Variants in APLP2 observed in about 807,000 individuals in gnomAD.
APLP2 encodes the protein amyloid beta precursor like protein 2.
APLP2 carries 53 observed loss-of-function variants against 89.9 expected under a neutral mutation model. The observed-to-expected ratio is 0.59, with a 90% CI of 0.47 to 0.74. APLP2 has a LOEUF of 0.74. Ranked by LOEUF, APLP2 falls within the 30% of genes least tolerant of loss-of-function variation. The pLI is 0.00. For synonymous variants in APLP2, 372 were observed against 348.6 expected, an observed-to-expected ratio of 1.07 and a Z score of -0.75; for missense variants, 973 against 975.9, an observed-to-expected ratio of 1.00 and a Z score of 0.04.
intron 1 of APLP2, among the ~76,000 whole-genome samples, chr11:130,096,102 C>T (rs75021179): frequency 0.06 from 9,062 of 152,210 alleles, 278 homozygotes; most frequent in Non-Finnish European, 0.073. Flanking sequence ...GAGGGTGAGA[C>T]CACCACACTT....
At chr11:130,103,692 A>G (rs1947251337) in intron 1 of APLP2, among the ~76,000 whole-genome samples, 1 of 152,194 alleles carries the variant, frequency 6.6e-6, no homozygotes, top group Admixed American at 6.5e-5. Flanking sequence ...GAAATTGACC[A>G]TTCCACGCTG....
At chr11:130,109,002 G>C (rs934147648) in intron 1 of APLP2, 7 of 152,166 alleles carry the variant, frequency 4.6e-5, no homozygotes, top group African/African-American at 1.7e-4. Context: ...TGAACAATGA[G>C]AACACTTGGA....
intron 1 of APLP2, 82 bp downstream of exon 1, chr11:130,070,164 G>T (rs908468133): frequency 4.1e-6 from 4 of 971,218 alleles, no homozygotes; most frequent in Non-Finnish European, 5.3e-6. Context: ...CGGGGTCCGC[G>T]GCAGGGCGGG....
At chr11:130,072,338 C>T (rs548263136) in intron 1 of APLP2, among the ~76,000 whole-genome samples, 79 of 152,278 alleles carry the variant, frequency 5.2e-4, no homozygotes, top group African/African-American at 1.8e-3. Context: ...TTTCTGGAAA[C>T]TCAAACCCAA....
intron 1 of APLP2, among the ~76,000 whole-genome samples, chr11:130,105,346 G>T (rs1947526543): frequency 1.3e-5 from 2 of 152,126 alleles, no homozygotes; most frequent in South Asian, 4.1e-4. Context: ...AGCCCAGGGG[G>T]TCGAGACTGT....
At chr11:130,131,930 T>C (rs529476986) in intron 11 of APLP2, among the ~76,000 whole-genome samples, 3 of 152,326 alleles carry the variant, frequency 2.0e-5, no homozygotes, top group African/African-American at 7.2e-5. Context: ...AAGCTTACCT[T>C]CTGCCTTGTT....
chr11:130,129,331 A>G (rs1950682134), intron 10 of APLP2, 125 bp downstream of exon 10: 1 of 1,158,642 alleles, frequency 8.6e-7, no homozygotes, highest in Admixed American at 2.5e-5. Flanking sequence ...CTAAGGAAAG[A>G]TGATGAGGGA....
chr11:130,074,521 A>G (rs1368933862), intron 1 of APLP2, among the ~76,000 whole-genome samples: 2 of 152,286 alleles, frequency 1.3e-5, no homozygotes, highest in Admixed American at 1.3e-4. Context: ...GCCCCTTTCA[A>G]GATTGTTTAA....
At chr11:130,079,010 A>G (rs958811022) in intron 1 of APLP2, among the ~76,000 whole-genome samples, 16 of 152,112 alleles carry the variant, frequency 1.1e-4, no homozygotes, top group African/African-American at 3.4e-4. Context: ...CTTTGGGTCT[A>G]TAGTTTAATT....
intron 1 of APLP2, among the ~76,000 whole-genome samples, chr11:130,074,879 G>A (rs1320202077): frequency 2.0e-5 from 3 of 152,190 alleles, no homozygotes; most frequent in Non-Finnish European, 2.9e-5. Context: ...TCTTTGTACA[G>A]TAATTGTAGT....
intron 1 of APLP2, among the ~76,000 whole-genome samples, chr11:130,083,021 C>CTTTTTTTTTTTTTTTTT (rs1469566240): frequency 2.5e-5 from 2 of 79,978 alleles, no homozygotes; most frequent in African/African-American, 5.1e-5. Flanking sequence ...TGAAACTTTT[C>CTTTTTTTTTTTTTTTTT]TTTTCTTTTT....
chr11:130,125,500 C>T (rs1470486628), intron 7 of APLP2, among the ~76,000 whole-genome samples: 2 of 152,128 alleles, frequency 1.3e-5, no homozygotes, highest in African/African-American at 4.8e-5. Context: ...TATTGACACC[C>T]TTTTAAAACT....
intron 1 of APLP2, among the ~76,000 whole-genome samples, chr11:130,074,250 C>G (rs1258549255): frequency 6.6e-6 from 1 of 152,142 alleles, no homozygotes; most frequent in Admixed American, 6.5e-5. Flanking sequence ...GAGTCTCACT[C>G]TGTCGCCCAG....
Position 130,140,566 on chromosome 11 carries a change from G to GT in APLP2, c.1923+84dup. ...GTGACCTGATGTCAGATGCTTCCAG[G>GT]TGCACGTCTCTGTGTTCGTTTTCCG... On this transcript the variant is annotated intron_variant, in intron 14 of 16. Transcript: ENST00000338167. 2.6e-6 allele frequency: 3 copies of GT among 1,170,180 alleles called. No homozygotes were observed. In the South Asian group the frequency reaches 4.8e-5, roughly 19 times the overall value. 72.5% of individuals were successfully genotyped at this position (1,170,180 alleles called of 1,614,324 possible).
intron 3 of APLP2, among the ~76,000 whole-genome samples, chr11:130,120,435 G>A (rs769855655): frequency 5.9e-5 from 9 of 152,216 alleles, no homozygotes; most frequent in Non-Finnish European, 1.2e-4. Flanking sequence ...TATATTCCCC[G>A]TCACGTGTTG....
Position 130,086,285 on chromosome 11 carries a change from A to G in APLP2, c.105+16203A>G, listed in dbSNP as rs563221366. ...TTTGATTTGCATTTCTCTAATAGCT[A>G]GTGATGTTGAGTATCTTTTCATGTT... On this transcript the variant is annotated intron_variant, in intron 1 of 16. Coordinates refer to ENST00000338167, the MANE Select transcript of APLP2 (RefSeq NM_001142276.2). Among the ~76,000 whole-genome samples the G allele has an allele frequency of 2.6e-5, 4 of 152,342 alleles. No homozygotes were observed. In the East Asian group the frequency reaches 7.7e-4, roughly 29 times the overall value.
At chr11:130,075,259 C>T (rs1387805485) in intron 1 of APLP2, among the ~76,000 whole-genome samples, 1 of 152,234 alleles carries the variant, frequency 6.6e-6, no homozygotes, top group Non-Finnish European at 1.5e-5. Context: ...AAGTGATCCT[C>T]CTGCCTCAGC....
At chr11:130,122,088 G>A (rs1057095040) in intron 5 of APLP2, among the ~76,000 whole-genome samples, 5 of 152,044 alleles carry the variant, frequency 3.3e-5, no homozygotes, top group African/African-American at 1.2e-4. Context: ...CCTGAATTTG[G>A]ATTTGTCTTA....
intron 1 of APLP2, among the ~76,000 whole-genome samples, chr11:130,084,665 G>T (rs539737466): frequency 6.6e-6 from 1 of 151,744 alleles, no homozygotes; most frequent in South Asian, 2.1e-4. Flanking sequence ...AAAACCCTTG[G>T]GATGCAGCAA....
Sources: gnomAD v4.1 joint callset for allele counts (sites outside exome capture counted in the v4.1 genomes callset) on GRCh38, gnomAD v4.1.1 for gene constraint, MANE v1.5 for transcripts, NCBI Gene and HGNC (gene_info 2026-07-23, HGNC 2026-07-21) for gene names.